The following SLC35A3 variants were observed in gnomAD, a reference collection of about 807,000 sequenced individuals.
SLC35A3 encodes solute carrier family 35 member A3.
Under a neutral mutation model 39.0 loss-of-function variants are expected in SLC35A3, and 26 were observed. The observed-to-expected ratio is 0.67, with a 90% confidence interval of 0.49 to 0.92. The LOEUF (loss-of-function observed/expected upper bound fraction) is 0.92. Ranked by LOEUF, SLC35A3 falls within the 40% of genes least tolerant of loss-of-function variation. SLC35A3 has a pLI of 0.00. For missense variants in SLC35A3, 299 were observed against 371.6 expected (o/e 0.80, Z 1.61); for synonymous variants, 135 against 133.1 (o/e 1.01, Z -0.10).
chr1:99,995,421 G>A (rs1658349751), intron 2 of SLC35A3, among the ~76,000 whole-genome samples: 1 of 151,982 alleles, frequency 6.6e-6, no homozygotes, highest in Non-Finnish European at 1.5e-5. Context: ...CCAAAGTGCT[G>A]GGATTACAGG....
chr1:100,021,857 C>T (rs992656715), intron 7 of SLC35A3, among the ~76,000 whole-genome samples: 4 of 152,056 alleles, frequency 2.6e-5, no homozygotes, highest in African/African-American at 9.7e-5. Context: ...CTGAGTTTTG[C>T]TTATTATTAT....
intron 1 of SLC35A3, among the ~76,000 whole-genome samples, chr1:99,988,492 A>AAATAAATCTCT (rs1657879569): frequency 1.3e-5 from 2 of 152,166 alleles, no homozygotes; most frequent in Admixed American, 1.3e-4. Context: ...ATAAATATTC[A>AAATAAATCTCT]TGTACAAATA....
At chr1:100,013,438 C>T (rs1659823421) in intron 5 of SLC35A3, among the ~76,000 whole-genome samples, 2 of 137,806 alleles carry the variant, frequency 1.5e-5, no homozygotes, top group African/African-American at 5.6e-5. Context: ...CACTACAAAA[C>T]TCTGTACAAA....
At chr1:99,984,694 C>A (rs1170414063) in intron 1 of SLC35A3, among the ~76,000 whole-genome samples, 1 of 152,198 alleles carries the variant, frequency 6.6e-6, no homozygotes, top group Non-Finnish European at 1.5e-5. Context: ...GTTTACATTC[C>A]AGCCAGCAGT....
chr1:99,981,456 A>G (rs549551403), intron 1 of SLC35A3, among the ~76,000 whole-genome samples: 45 of 152,116 alleles, frequency 3.0e-4, no homozygotes, highest in Non-Finnish European at 6.2e-4. Flanking sequence ...CTCAAAATGT[A>G]TATGAATTTT....
chr1:99,993,363 G>C (rs1040067021), intron 1 of SLC35A3, among the ~76,000 whole-genome samples, 174 bp from the exon 2 acceptor site: 1 of 151,702 alleles, frequency 6.6e-6, no homozygotes, highest in Non-Finnish European at 1.5e-5. Flanking sequence ...AAGGTGGAGT[G>C]TGCTTATTTC....
intron 3 of SLC35A3, among the ~76,000 whole-genome samples, chr1:100,005,042 C>T (rs1017557629): frequency 2.0e-5 from 3 of 152,216 alleles, no homozygotes; most frequent in African/African-American, 7.2e-5. Flanking sequence ...CAGGCATGAG[C>T]CTCCACGCCC....
intron 1 of SLC35A3, among the ~76,000 whole-genome samples, chr1:99,972,441 T>G (rs1411965482): frequency 6.6e-6 from 1 of 150,794 alleles, no homozygotes; most frequent in Non-Finnish European, 1.5e-5. Flanking sequence ...GTTCAAGAGA[T>G]TCTTCTGCCT....
chr1:99,975,002 G>A (rs1328737051), intron 1 of SLC35A3: 2 of 151,418 alleles, frequency 1.3e-5, no homozygotes, highest in Non-Finnish European at 2.9e-5. Flanking sequence ...GGAGTACAGA[G>A]GCGCAATCTC....
At chr1:99,991,652 T>C (rs1373276742) in intron 1 of SLC35A3, among the ~76,000 whole-genome samples, 1 of 152,244 alleles carries the variant, frequency 6.6e-6, no homozygotes, top group Non-Finnish European at 1.5e-5. Context: ...GCATCTTCAG[T>C]TAAATCTATG....
chr1:99,970,821 A>C (rs780671875), intron 1 of SLC35A3, among the ~76,000 whole-genome samples: 33 of 152,236 alleles, frequency 2.2e-4, no homozygotes, highest in Non-Finnish European at 4.0e-4. Context: ...TAGTAGTTAA[A>C]GATGAAATTT....
chr1:99,983,346 T>C (rs113187169), intron 1 of SLC35A3, among the ~76,000 whole-genome samples: 143 of 152,000 alleles, frequency 9.4e-4, no homozygotes, highest in Non-Finnish European at 1.6e-3. Flanking sequence ...GATATCAACC[T>C]GACCAACATG....
At position 100,032,906 on chromosome 1, in the gene SLC35A3, A is replaced by G. The variant is rs1661318905; in HGVS notation, c.*10430A>G. Reference sequence around the variant, plus strand: ...TTAGTCCTTATTTGCTTTAGGCACAAGAAATCTGAGGCTTACCTTATATTT... The same window carrying G: ...TTAGTCCTTATTTGCTTTAGGCACAGGAAATCTGAGGCTTACCTTATATTT... On this transcript the variant is annotated 3_prime_UTR_variant, in exon 8 of 8. Transcript: ENST00000533028. The G allele has an allele frequency of 6.6e-6, 1 of 152,230 alleles. No individual in the cohort carries two copies. The highest frequency in any genetic ancestry group is 2.4e-5 in the African/African-American group (1 of 41,454). 9.4% of individuals were successfully genotyped at this position (152,230 alleles called of 1,614,324 possible).
At chr1:99,995,105 T>TTTCTTTCC (rs1658311167) in intron 2 of SLC35A3, among the ~76,000 whole-genome samples, 1 of 17,236 alleles carries the variant, frequency 5.8e-5, no homozygotes. Context: ...TTTTGTGTAT[T>TTTCTTTCC]TTCTTTCTTT....
Position 99,999,325 on chromosome 1 carries a change from A to C in SLC35A3, c.252A>C (p.Thr84=), listed in dbSNP as rs760512680. Residue 84 remains threonine (T), a synonymous_variant, in exon 3 of 8, where the codon ACA becomes ACC. Transcript: ENST00000533028. The stretch of plus-strand genomic sequence containing the variant: ...AAATTCTTAATAAACCTATGGAAAC[A>C]CTTAAACTTGCTATTCCATCAGGGA... ...HDEILNKPME[T]LKLAIPSGIY... 6.9e-6 allele frequency: 11 copies of C among 1,599,524 alleles called. No individual in the cohort carries two copies. The highest frequency in any genetic ancestry group is 8.5e-6 in the Non-Finnish European group (10 of 1,171,568).
At chr1:100,006,810 A>C (rs905837073) in intron 3 of SLC35A3, among the ~76,000 whole-genome samples, 14 of 152,166 alleles carry the variant, frequency 9.2e-5, no homozygotes, top group African/African-American at 3.4e-4. Context: ...TATAATAAGA[A>C]GGTTCAATTC....
chr1:100,016,728 T>A (rs1026221271), intron 6 of SLC35A3, among the ~76,000 whole-genome samples: 21 of 152,076 alleles, frequency 1.4e-4, no homozygotes, highest in African/African-American at 4.1e-4. Context: ...GTGAAAATTT[T>A]AAAAAAATAA....
chr1:100,019,998 GA>G (rs1660427648), intron 7 of SLC35A3, among the ~76,000 whole-genome samples: 2 of 152,136 alleles, frequency 1.3e-5, no homozygotes, highest in African/African-American at 4.8e-5. Context: ...CTAGCTCCTG[GA>G]AAAGGAGTGC....
chr1:99,998,372 G>A (rs1330891495), intron 2 of SLC35A3, among the ~76,000 whole-genome samples: 1 of 151,900 alleles, frequency 6.6e-6, no homozygotes, highest in Non-Finnish European at 1.5e-5. Flanking sequence ...TTATCAAGCT[G>A]GTCTTCAACT....
Sources: gnomAD v4.1 joint callset for allele counts (sites outside exome capture counted in the v4.1 genomes callset) on GRCh38, gnomAD v4.1.1 for gene constraint, MANE v1.5 for transcripts, NCBI Gene and HGNC (gene_info 2026-07-23, HGNC 2026-07-21) for gene names.